The following BICC1 variants were observed in gnomAD, a reference collection of about 807,000 sequenced individuals.
BICC1 encodes the protein BicC family RNA binding protein 1, also known as protein bicaudal C homolog 1.
In BICC1, 43 loss-of-function variants were observed where a neutral mutation model predicts 111.0. The ratio of observed to expected loss-of-function variants is 0.39; its 90% CI spans 0.30 to 0.50. BICC1 has a LOEUF of 0.50. Among genes scored for constraint, BICC1 ranks in the 20% least tolerant of loss-of-function variants. The probability of loss-of-function intolerance (pLI) is 0.88; values close to 1 mark genes in which losing one functional copy is unlikely to be tolerated. For missense variants in BICC1, 1,091 were observed against 1,203.2 expected (o/e 0.91, Z 1.38); for synonymous variants, 467 against 434.4 (o/e 1.07, Z -0.93).
At chr10:58,781,736 T>G (rs1394124707) in intron 3 of BICC1, among the ~76,000 whole-genome samples, 3 of 152,196 alleles carry the variant, frequency 2.0e-5, no homozygotes, top group Non-Finnish European at 4.4e-5. Flanking sequence ...AATTGTAAAC[T>G]GTTAACAGTC....
intron 2 of BICC1, among the ~76,000 whole-genome samples, chr10:58,661,805 T>C (rs1838853154): frequency 6.6e-6 from 1 of 152,170 alleles, no homozygotes; most frequent in South Asian, 2.1e-4. Flanking sequence ...GAATTTATAC[T>C]TCAAATCTGA....
chr10:58,798,998 A>G, intron 11 of BICC1, 58 bp from the exon 12 acceptor site: 1 of 1,281,032 alleles, frequency 7.8e-7, no homozygotes, highest in Non-Finnish European at 1.1e-6. Context: ...TGTTAATAAA[A>G]ATAATAGTTG....
intron 3 of BICC1, among the ~76,000 whole-genome samples, chr10:58,731,491 A>G (rs1841293797): frequency 6.6e-6 from 1 of 152,184 alleles, no homozygotes; most frequent in East Asian, 1.9e-4. Flanking sequence ...CACTCCTGGT[A>G]GCAGTTTTCT....
chr10:58,606,927 T>C (rs1845234684), intron 1 of BICC1, among the ~76,000 whole-genome samples: 1 of 152,192 alleles, frequency 6.6e-6, no homozygotes, highest in South Asian at 2.1e-4. Flanking sequence ...TTTCCTCCTA[T>C]ATTTTATGTA....
intron 1 of BICC1, among the ~76,000 whole-genome samples, chr10:58,597,814 C>T (rs965082965): frequency 6.6e-6 from 1 of 152,000 alleles, no homozygotes; most frequent in Non-Finnish European, 1.5e-5. Flanking sequence ...AAATATGGCT[C>T]TTTTTGCCCA....
intron 1 of BICC1, among the ~76,000 whole-genome samples, chr10:58,588,946 G>T (rs375879362): frequency 1.3e-5 from 2 of 152,228 alleles, no homozygotes; most frequent in East Asian, 1.9e-4. Context: ...TGATCTCAGG[G>T]TTGTCCAGAG....
chr10:58,609,538 A>G (rs76992267), intron 1 of BICC1, among the ~76,000 whole-genome samples: 2,562 of 152,340 alleles, frequency 0.017, 78 homozygotes, highest in African/African-American at 0.058. Context: ...AACAGGTAAG[A>G]TTAGTCTTAT....
intron 2 of BICC1, among the ~76,000 whole-genome samples, chr10:58,684,265 G>T (rs12767221): frequency 2.0e-5 from 3 of 152,172 alleles, no homozygotes; most frequent in Admixed American, 1.3e-4. Context: ...TGTGCTGCTG[G>T]ATTCAGTTTG....
In BICC1 at chr10:58,741,548, A is replaced by G. The variant is rs79320154; in HGVS notation, c.307+39405A>G. ...TTTGGCGAATTCCCAAGAGAGCAATATAGAATGACAGAAATACATCTCAAA... is the reference window on the plus strand; with the variant it reads ...TTTGGCGAATTCCCAAGAGAGCAATGTAGAATGACAGAAATACATCTCAAA... On this transcript the variant is annotated intron_variant, in intron 3 of 20. Coordinates refer to ENST00000373886, the MANE Select transcript of BICC1 (RefSeq NM_001080512.3). Among the ~76,000 whole-genome samples, 421 of 152,306 alleles carry G rather than the reference A, an allele frequency of 2.8e-3. 8 individuals are homozygous for G. Among genetic ancestry groups the G allele is most frequent in the African/African-American group, 9.5e-3 (394 of 41,566 alleles).
chr10:58,726,485 C>A (rs1354949496), intron 3 of BICC1, among the ~76,000 whole-genome samples: 1 of 152,304 alleles, frequency 6.6e-6, no homozygotes, highest in Admixed American at 6.5e-5. Context: ...TCCATCTGGG[C>A]AACCCATCAT....
intron 1 of BICC1, among the ~76,000 whole-genome samples, chr10:58,530,236 T>G (rs1842644542): frequency 6.6e-6 from 1 of 151,608 alleles, no homozygotes; most frequent in African/African-American, 2.4e-5. Flanking sequence ...AGAAGTGAAA[T>G]GAGGGAATTG....
chr10:58,608,727 G>T (rs1011534771), intron 1 of BICC1, among the ~76,000 whole-genome samples: 6 of 152,152 alleles, frequency 3.9e-5, no homozygotes, highest in Non-Finnish European at 5.9e-5. Flanking sequence ...GAAGGAGATT[G>T]AAGAATTTGC....
chr10:58,817,834 A>G, intron 19 of BICC1, 112 bp downstream of exon 19: 1 of 1,106,920 alleles, frequency 9.0e-7, no homozygotes, highest in Non-Finnish European at 1.3e-6. Context: ...GCATTTATTC[A>G]AGTCTCATAG....
intron 3 of BICC1, among the ~76,000 whole-genome samples, chr10:58,759,815 C>T (rs1174861210): frequency 5.3e-5 from 8 of 151,840 alleles, no homozygotes; most frequent in African/African-American, 1.7e-4. Flanking sequence ...AAAAATTAGC[C>T]GGGCTTGGTG....
chr10:58,649,353 G>T (rs1163106875), intron 2 of BICC1, among the ~76,000 whole-genome samples: 1 of 152,136 alleles, frequency 6.6e-6, no homozygotes. Context: ...AGTCAAGTAG[G>T]TATCACTGAA....
At chr10:58,560,903 A>G (rs890379797) in intron 1 of BICC1, among the ~76,000 whole-genome samples, 3 of 151,748 alleles carry the variant, frequency 2.0e-5, no homozygotes, top group African/African-American at 7.3e-5. Context: ...TTCTATTGTG[A>G]TATGATTTCA....
At chr10:58,653,534 C>T (rs1271189201) in intron 2 of BICC1, among the ~76,000 whole-genome samples, 1 of 152,094 alleles carries the variant, frequency 6.6e-6, no homozygotes. Flanking sequence ...TGTGGTTCAG[C>T]ATTTCTTCAA....
At chr10:58,557,182 T>G (rs1843473119) in intron 1 of BICC1, among the ~76,000 whole-genome samples, 1 of 152,148 alleles carries the variant, frequency 6.6e-6, no homozygotes. Context: ...AAATTGCTTT[T>G]AAGATGTTCT....
chr10:58,765,604 C>T (rs570001980), intron 3 of BICC1, among the ~76,000 whole-genome samples: 82 of 152,260 alleles, frequency 5.4e-4, no homozygotes, highest in African/African-American at 1.8e-3. Flanking sequence ...CCTGTCAAGA[C>T]GGGAGAATCC....
Sources: gnomAD v4.1 joint callset for allele counts (sites outside exome capture counted in the v4.1 genomes callset) on GRCh38, gnomAD v4.1.1 for gene constraint, MANE v1.5 for transcripts, NCBI Gene and HGNC (gene_info 2026-07-23, HGNC 2026-07-21) for gene names.